HSD17B3: variants seen among roughly 807,000 people sequenced by gnomAD.
The protein encoded by HSD17B3 is 17-beta-hydroxysteroid dehydrogenase type 3.
HSD17B3 carries 29 observed loss-of-function variants against 41.1 expected under a neutral mutation model. The ratio of observed to expected loss-of-function variants is 0.71; its 90% CI spans 0.53 to 0.96. HSD17B3 has a LOEUF of 0.96. Ranked by LOEUF, HSD17B3 falls within the 40% of genes least tolerant of loss-of-function variation. The probability of loss-of-function intolerance (pLI) is 0.00; values close to 1 mark genes in which losing one functional copy is unlikely to be tolerated. For synonymous variants in HSD17B3, 126 were observed against 145.6 expected (o/e 0.87, Z 0.97); for missense variants, 323 against 374.6 (o/e 0.86, Z 1.14).
At chr9:96,252,702 T>C (rs976857696) in intron 4 of HSD17B3, 101 bp downstream of exon 4, 5 of 781,204 alleles carry the variant, frequency 6.4e-6, no homozygotes, top group Non-Finnish European at 1.2e-5. Context: ...ACAGTCATGG[T>C]TTGAGTATAA....
intron 2 of HSD17B3, among the ~76,000 whole-genome samples, chr9:96,262,477 C>G (rs55977112): frequency 1.1e-4 from 17 of 151,842 alleles, no homozygotes; most frequent in Admixed American, 3.3e-4. Flanking sequence ...AACTCCTGAC[C>G]TTGTGATCCA....
At chr9:96,255,866 G>C (rs1410051393) in intron 2 of HSD17B3, among the ~76,000 whole-genome samples, 3 of 152,172 alleles carry the variant, frequency 2.0e-5, no homozygotes, top group Non-Finnish European at 2.9e-5. Flanking sequence ...CTGCAGAGTG[G>C]ATAATGCCTG....
At chr9:96,299,920 C>T (rs2130801813) in intron 1 of HSD17B3, among the ~76,000 whole-genome samples, 1 of 152,220 alleles carries the variant, frequency 6.6e-6, no homozygotes, top group South Asian at 2.1e-4. Context: ...TTTACTCCTG[C>T]TAGAGGTAAC....
At chr9:96,245,072 C>A (rs1408201474) in intron 8 of HSD17B3, among the ~76,000 whole-genome samples, 1 of 152,124 alleles carries the variant, frequency 6.6e-6, no homozygotes, top group African/African-American at 2.4e-5. Flanking sequence ...TGTCACTTGT[C>A]AGCAGGAAGA....
At position 96,270,269 on chromosome 9, in the gene HSD17B3, CAG is replaced by C. The variant is rs961122103; in HGVS notation, c.202-15328_202-15327del. On this transcript the variant is annotated intron_variant, in intron 2 of 10. Coordinates refer to ENST00000375263, the MANE Select transcript of HSD17B3 (RefSeq NM_000197.2). ...ACATACACACACACACACACACACA[CAG>C]AGAGAGAGAGAGAGAGAGACAGAGA... Among the ~76,000 whole-genome samples the C allele has an allele frequency of 9.4e-4, 141 of 149,874 alleles. 1 individual carries two copies. Among genetic ancestry groups the C allele is most frequent in the South Asian group, 1.3e-3 (6 of 4,746 alleles).
intron 10 of HSD17B3, among the ~76,000 whole-genome samples, chr9:96,236,751 G>T (rs1836253519): frequency 1.3e-5 from 2 of 152,022 alleles, no homozygotes; most frequent in Admixed American, 1.3e-4. Context: ...TGTAGGTACG[G>T]GCCTTGAAAG....
chr9:96,264,422 G>A (rs928532456), intron 2 of HSD17B3, among the ~76,000 whole-genome samples: 5 of 152,158 alleles, frequency 3.3e-5, no homozygotes, highest in African/African-American at 1.2e-4. Context: ...GACAAAGAAG[G>A]AGGAGGAAGA....
chr9:96,274,077 T>C (rs1359126301), intron 2 of HSD17B3, among the ~76,000 whole-genome samples: 3 of 152,110 alleles, frequency 2.0e-5, no homozygotes, highest in Non-Finnish European at 4.4e-5. Context: ...CCCAAGGAAA[T>C]AGAGATCTAA....
chr9:96,248,056 C>T (rs1446081850), intron 6 of HSD17B3, among the ~76,000 whole-genome samples: 1 of 152,176 alleles, frequency 6.6e-6, no homozygotes, highest in African/African-American at 2.4e-5. Flanking sequence ...CATTTCTCTG[C>T]TAAAGGAGTC....
intron 9 of HSD17B3, among the ~76,000 whole-genome samples, chr9:96,243,321 A>G (rs534858475): frequency 3.9e-5 from 6 of 152,308 alleles, no homozygotes; most frequent in African/African-American, 1.2e-4. Flanking sequence ...CGGCTTCTGC[A>G]TGGCAGAGAA....
chr9:96,277,684 A>G (rs1826519529), intron 2 of HSD17B3, among the ~76,000 whole-genome samples: 1 of 152,246 alleles, frequency 6.6e-6, no homozygotes, highest in African/African-American at 2.4e-5. Flanking sequence ...TAACTACTTT[A>G]TGATCCAGCT....
intron 9 of HSD17B3, among the ~76,000 whole-genome samples, chr9:96,243,576 A>C (rs146701722): frequency 6.6e-6 from 1 of 152,214 alleles, no homozygotes; most frequent in African/African-American, 2.4e-5. Flanking sequence ...TTCTAATAGT[A>C]TATCGTAAAA....
In HSD17B3 at chr9:96,290,456, C is replaced by CCTTTTTTTT. The variant is rs747479797; in HGVS notation, c.201+7959_201+7960insAAAAAAAAG. 2.6e-5 allele frequency among the ~76,000 whole-genome samples: 2 copies of CCTTTTTTTT among 78,418 alleles called. 1 individual carries two copies. 51.4% of individuals were successfully genotyped at this position (78,418 alleles called of 152,430 possible). A position where few individuals can be genotyped will look rare whatever the true frequency, so the allele number is the denominator to read the frequency against. ...GAAGGGCACTGTGGTATTTCCTGGGCTTTTTTTTTTTTTTTTTTTTTTTCC... is the reference window on the plus strand; with the variant it reads ...GAAGGGCACTGTGGTATTTCCTGGGCCTTTTTTTTTTTTTTTTTTTTTTTTTTTTTTTCC... On this transcript the variant is annotated intron_variant, in intron 2 of 10. Transcript: ENST00000375263.
In HSD17B3 at chr9:96,250,140, A is replaced by G; in HGVS notation, c.454-354T>C. ...GGTTAGCCTATGTGAGTCCAGGAGA[A>G]CAGAAAGACAAATGGTTGTATAATA... On this transcript the variant is annotated intron_variant, in intron 5 of 10. Transcript: ENST00000375263. 2.4e-6 allele frequency: 3 copies of G among 1,257,696 alleles called. No homozygotes were observed. The South Asian group carries it at 6.3e-5, about 26-fold the overall frequency. 77.9% of individuals were successfully genotyped at this position (1,257,696 alleles called of 1,614,324 possible). A position where few individuals can be genotyped will look rare whatever the true frequency, so the allele number is the denominator to read the frequency against.
Position 96,245,436 on chromosome 9 carries a change from A to C in HSD17B3, c.525-10T>G. 6.2e-7 allele frequency: 1 copy of C among 1,609,298 alleles called. No individual in the cohort carries two copies. Among genetic ancestry groups the C allele is most frequent in the Non-Finnish European group, 8.5e-7 (1 of 1,175,582 alleles). ...GATGAGACCTTTCTGCCTGAAAGGC[A>C]AAGAAGCAAAGTTCCCATGGCTTTG... is the stretch of plus-strand genomic sequence containing the variant. On this transcript the variant is annotated splice_polypyrimidine_tract_variant and intron_variant, in intron 7 of 10. Transcript: ENST00000375263.
intron 3 of HSD17B3, among the ~76,000 whole-genome samples, chr9:96,253,151 A>G (rs1825497124): frequency 6.6e-6 from 1 of 152,168 alleles, no homozygotes; most frequent in East Asian, 1.9e-4. Context: ...AGATAGATTT[A>G]CTGCAGCGGT....
At chr9:96,267,221 A>G (rs188842927) in intron 2 of HSD17B3, among the ~76,000 whole-genome samples, 20 of 150,826 alleles carry the variant, frequency 1.3e-4, no homozygotes, top group African/African-American at 4.9e-4. Flanking sequence ...CAGTGGTGCA[A>G]TCTCGGCTCA....
chr9:96,298,320 T>C, intron 2 of HSD17B3, 96 bp downstream of exon 2: 1 of 959,484 alleles, frequency 1.0e-6, no homozygotes, highest in South Asian at 1.3e-5. Flanking sequence ...GAATGCATAC[T>C]GCTTTTATAT....
chr9:96,271,450 A>C (rs1331101734), intron 2 of HSD17B3, among the ~76,000 whole-genome samples: 1 of 152,226 alleles, frequency 6.6e-6, no homozygotes, highest in African/African-American at 2.4e-5. Context: ...TCCTGGGTAC[A>C]TGACTAAGTG....
Sources: gnomAD v4.1 joint callset for allele counts (sites outside exome capture counted in the v4.1 genomes callset) on GRCh38, gnomAD v4.1.1 for gene constraint, MANE v1.5 for transcripts, NCBI Gene and HGNC (gene_info 2026-07-23, HGNC 2026-07-21) for gene names.